Variants in CTIF observed in about 807,000 individuals in gnomAD.
CTIF encodes cap binding complex dependent translation initiation factor, also known as CBP80/20-dependent translation initiation factor.
In CTIF, 21 loss-of-function variants were observed where a neutral mutation model predicts 66.0. The ratio of observed to expected loss-of-function variants is 0.32; its 90% CI spans 0.23 to 0.46. The LOEUF (loss-of-function observed/expected upper bound fraction) is 0.46. CTIF is among the 20% of genes least tolerant of loss of function. The pLI is 1.00. For missense variants in CTIF, 739 were observed against 812.7 expected (o/e 0.91, Z 1.10); for synonymous variants, 345 against 326.4 (o/e 1.06, Z -0.62).
In CTIF at chr18:48,758,184, G is replaced by A. The variant is rs1908585535; in HGVS notation, c.850G>A (p.Asp284Asn). Residue 284 changes from aspartate (D) to asparagine (N), a missense_variant, in exon 8 of 12, where the codon GAC (aspartate) becomes AAC (asparagine). Transcript: ENST00000256413. ...TMTIENPKLE[D>N]TAGDTGHSSL... ...GACCATCGAGAACCCAAAACTGGAG[G>A]ACACTGCAGGGGACACCGGGCACAG... The A allele has an allele frequency of 4.3e-6, 7 of 1,613,888 alleles. No individual in the cohort carries two copies. Among genetic ancestry groups the A allele is most frequent in the Non-Finnish European group, 5.9e-6 (7 of 1,179,946 alleles).
intron 10 of CTIF, among the ~76,000 whole-genome samples, chr18:48,846,497 AGATGGATG>A (rs1555705172): frequency 9.4e-4 from 128 of 136,878 alleles, no homozygotes; most frequent in East Asian, 1.9e-3. Flanking sequence ...ATGAAAGGAT[AGATGGATG>A]GATGGATGGA....
chr18:48,758,536 G>C (rs1373496376), intron 8 of CTIF, 131 bp downstream of exon 8: 1 of 1,186,796 alleles, frequency 8.4e-7, no homozygotes, highest in Non-Finnish European at 1.2e-6. Flanking sequence ...AGGGAAGCAG[G>C]GGCTTCGGTC....
intron 1 of CTIF, among the ~76,000 whole-genome samples, chr18:48,578,225 T>G (rs146918592): frequency 7.5e-4 from 114 of 152,318 alleles, no homozygotes; most frequent in African/African-American, 2.6e-3. Flanking sequence ...CCTTTGTCAA[T>G]GGATGGAGCT....
chr18:48,772,326 AC>A (rs1188758279), intron 9 of CTIF, among the ~76,000 whole-genome samples: 1 of 152,150 alleles, frequency 6.6e-6, no homozygotes, highest in Non-Finnish European at 1.5e-5. Flanking sequence ...AGTAAAATAT[AC>A]CATAAAATTC....
intron 9 of CTIF, among the ~76,000 whole-genome samples, chr18:48,767,076 G>T (rs1379655069): frequency 6.6e-6 from 1 of 152,178 alleles, no homozygotes; most frequent in African/African-American, 2.4e-5. Context: ...TCCCACCAAG[G>T]TTCCCAACTT....
chr18:48,646,639 C>T (rs772816317), intron 3 of CTIF, among the ~76,000 whole-genome samples: 3 of 151,228 alleles, frequency 2.0e-5, no homozygotes, highest in South Asian at 2.1e-4. Context: ...TCCAGCTGCT[C>T]GGAAGGCTGA....
rs2088814307 is a variant in CTIF, at chr18:48,548,746, G to T, written c.-29+9434G>T. ...TCTTCTGCCCACATTCTATTGATTT[G>T]CCTTAATCCTTTTAGCTGTTAACCT... On this transcript the variant is annotated intron_variant, in intron 1 of 11. Coordinates refer to ENST00000256413, the MANE Select transcript of CTIF (RefSeq NM_014772.3). Among the ~76,000 whole-genome samples the T allele has an allele frequency of 1.3e-5, 2 of 152,208 alleles. 1 individual carries two copies. The highest frequency in any genetic ancestry group is 4.1e-4 in the South Asian group (2 of 4,830).
At chr18:48,783,997 T>G (rs1207294988) in intron 9 of CTIF, among the ~76,000 whole-genome samples, 1 of 152,234 alleles carries the variant, frequency 6.6e-6, no homozygotes, top group Non-Finnish European at 1.5e-5. Context: ...TGCACTCTAG[T>G]GGGGATGGCC....
At chr18:48,786,608 A>G (rs1343483882) in intron 9 of CTIF, among the ~76,000 whole-genome samples, 12 of 152,318 alleles carry the variant, frequency 7.9e-5, no homozygotes, top group African/African-American at 2.6e-4. Flanking sequence ...ACGACTGTGA[A>G]CGTGCAGTTC....
chr18:48,742,010 C>T (rs1322507427), intron 7 of CTIF, among the ~76,000 whole-genome samples: 2 of 152,204 alleles, frequency 1.3e-5, no homozygotes, highest in Non-Finnish European at 2.9e-5. Flanking sequence ...CAGTGGAGCT[C>T]AATACCATCT....
At chr18:48,740,905 T>G (rs373976119) in intron 7 of CTIF, among the ~76,000 whole-genome samples, 1 of 152,250 alleles carries the variant, frequency 6.6e-6, no homozygotes, top group Non-Finnish European at 1.5e-5. Flanking sequence ...TCCAGAAATA[T>G]AGCATCGTGG....
chr18:48,583,478 G>A (rs138619023), intron 1 of CTIF, among the ~76,000 whole-genome samples: 8 of 152,212 alleles, frequency 5.3e-5, no homozygotes, highest in Admixed American at 2.6e-4. Context: ...GAAAGGAGTC[G>A]GACTATTTTT....
chr18:48,596,354 G>A (rs2089986693), intron 1 of CTIF, among the ~76,000 whole-genome samples: 1 of 152,162 alleles, frequency 6.6e-6, no homozygotes, highest in African/African-American at 2.4e-5. Flanking sequence ...TTGTCTCATG[G>A]CCCAAGAGAG....
chr18:48,639,024 C>T (rs1012331913), intron 3 of CTIF, among the ~76,000 whole-genome samples: 4 of 152,158 alleles, frequency 2.6e-5, no homozygotes, highest in South Asian at 2.1e-4. Context: ...TGTCTACTTC[C>T]GAGAAGTGGA....
chr18:48,730,361 A>AGGGGCTTCCACGGTGTGT (rs1568171223), intron 7 of CTIF, among the ~76,000 whole-genome samples: 180 of 124,734 alleles, frequency 1.4e-3, no homozygotes, highest in East Asian at 2.8e-3. Flanking sequence ...CTGCTGTGTG[A>AGGGGCTTCCACGGTGTGT]GGGGCCCCTG....
chr18:48,771,873 C>T (rs1248873286), intron 9 of CTIF, among the ~76,000 whole-genome samples: 1 of 152,252 alleles, frequency 6.6e-6, no homozygotes, highest in Admixed American at 6.5e-5. Context: ...AGCATCTCTG[C>T]CCTGCCCGGG....
chr18:48,654,772 T>C (rs903415522), intron 3 of CTIF, among the ~76,000 whole-genome samples: 3 of 152,180 alleles, frequency 2.0e-5, no homozygotes, highest in African/African-American at 4.8e-5. Context: ...GGCACATGTA[T>C]ACCATGGAAT....
At chr18:48,857,043 G>A (rs1340862193) in intron 10 of CTIF, among the ~76,000 whole-genome samples, 3 of 152,194 alleles carry the variant, frequency 2.0e-5, no homozygotes, top group African/African-American at 7.2e-5. Context: ...AACAGTTCCA[G>A]CCCCTGAGTA....
intron 1 of CTIF, among the ~76,000 whole-genome samples, chr18:48,547,395 C>T (rs1370480268): frequency 6.6e-6 from 1 of 152,190 alleles, no homozygotes; most frequent in African/African-American, 2.4e-5. Context: ...CTGGGCACTA[C>T]ATTGTCTTCC....
Sources: allele counts gnomAD v4.1 joint callset (sites outside exome capture counted in the v4.1 genomes callset), GRCh38; gene constraint gnomAD v4.1.1; transcripts MANE v1.5; gene names NCBI Gene and HGNC (gene_info 2026-07-23, HGNC 2026-07-21).